B4GALT2: variants seen among roughly 807,000 people sequenced by gnomAD.
B4GALT2 encodes beta-1,4-galactosyltransferase 2.
A neutral mutation model predicts 33.2 loss-of-function variants in B4GALT2; 18 were observed. The ratio of observed to expected loss-of-function variants is 0.54; its 90% CI spans 0.38 to 0.80. The LOEUF (loss-of-function observed/expected upper bound fraction) is 0.80. Among genes scored for constraint, B4GALT2 ranks in the 30% least tolerant of loss-of-function variants. The pLI is 0.00. For missense variants in B4GALT2, 404 were observed against 526.2 expected (o/e 0.77, Z 2.27); for synonymous variants, 214 against 217.6 (o/e 0.98, Z 0.15).
At position 43,990,693 on chromosome 1, in the gene B4GALT2, C is replaced by G. The variant is rs1354583956; in HGVS notation, c.*245C>G. ...AACCCTCCTTCCCGACCCCCTCCCC[C>G]TAGCCCAGCCCCAGTCACTGTCAGG... On this transcript the variant is annotated 3_prime_UTR_variant, in exon 7 of 7. Coordinates refer to ENST00000372324, the MANE Select transcript of B4GALT2 (RefSeq NM_003780.5). The G allele has an allele frequency of 1.8e-5, 10 of 546,584 alleles. No homozygotes were observed. Among genetic ancestry groups the G allele is most frequent in the Middle Eastern group, 5.0e-4 (1 of 1,982 alleles). 33.9% of individuals were successfully genotyped at this position (546,584 alleles called of 1,614,324 possible). A position where few individuals can be genotyped will look rare whatever the true frequency, so the allele number is the denominator to read the frequency against.
Position 43,990,548 on chromosome 1 carries a change from C to G in B4GALT2, c.*100C>G. ...CTGTGGAGGACCTCCAGGACTGAGA[C>G]TGGGCTCTGTTTTCCAAGGGTCTTC... On this transcript the variant is annotated 3_prime_UTR_variant, in exon 7 of 7. Coordinates refer to ENST00000372324, the MANE Select transcript of B4GALT2 (RefSeq NM_003780.5). 2.0e-6 allele frequency: 3 copies of G among 1,506,544 alleles called. No individual in the cohort carries two copies. The highest frequency in any genetic ancestry group is 2.7e-6 in the Non-Finnish European group (3 of 1,102,680). 93.3% of individuals were successfully genotyped at this position (1,506,544 alleles called of 1,614,324 possible). A position where few individuals can be genotyped will look rare whatever the true frequency, so the allele number is the denominator to read the frequency against.
chr1:43,982,214 G>T lies in B4GALT2; in HGVS notation c.549+290G>T, dbSNP rs61054913. Reference sequence around the variant, plus strand: ...TATGCTGTAGGAGGAGATGTTGAGGGCCCTGAGGAGAGGGAGTTAGACCCT... The same window carrying T: ...TATGCTGTAGGAGGAGATGTTGAGGTCCCTGAGGAGAGGGAGTTAGACCCT... On this transcript the variant is annotated intron_variant, in intron 3 of 6. Transcript: ENST00000372324. This position sits in a 1 kb window ranked among gnomAD's most constrained non-coding sequence, Gnocchi z 4.3. 3.3e-4 allele frequency among the ~76,000 whole-genome samples: 51 copies of T among 152,312 alleles called. No homozygotes were observed. The highest frequency in any genetic ancestry group is 5.9e-4 in the Non-Finnish European group (40 of 68,028).
chr1:43,983,050 G>A (rs2085617649), intron 3 of B4GALT2, among the ~76,000 whole-genome samples: 1 of 152,216 alleles, frequency 6.6e-6, no homozygotes, highest in African/African-American at 2.4e-5. Flanking sequence ...GGGGATGGCT[G>A]TGTCTGAGTG....
Position 43,982,064 on chromosome 1 carries a change from T to C in B4GALT2, c.549+140T>C. 2.5e-6 allele frequency: 2 copies of C among 809,918 alleles called. No individual in the cohort carries two copies. The highest frequency in any genetic ancestry group is 3.9e-6 in the Non-Finnish European group (2 of 510,556). 50.2% of individuals were successfully genotyped at this position (809,918 alleles called of 1,614,324 possible). Reference sequence around the variant, plus strand: ...GTTTGTCAGTGTGCACAGGAATGTGTACGCACAGTGTGTGCATGTGAATGT... The same window carrying C: ...GTTTGTCAGTGTGCACAGGAATGTGCACGCACAGTGTGTGCATGTGAATGT... On this transcript the variant is annotated intron_variant, in intron 3 of 6. Transcript: ENST00000372324. The surrounding 1 kb of genome is among the most constrained non-coding windows in gnomAD (Gnocchi z 4.3).
Position 43,982,791 on chromosome 1 carries a change from G to A in B4GALT2, c.549+867G>A, listed in dbSNP as rs1052108386. On this transcript the variant is annotated intron_variant, in intron 3 of 6. Coordinates refer to ENST00000372324, the MANE Select transcript of B4GALT2 (RefSeq NM_003780.5). This position sits in a 1 kb window ranked among gnomAD's most constrained non-coding sequence, Gnocchi z 4.3. Reference sequence around the variant, plus strand: ...GGCACCATGTAAGGTTGTAAGGAGAGAGTGACTTGCGTGTTTGCTTTGTAG... The same window carrying A: ...GGCACCATGTAAGGTTGTAAGGAGAAAGTGACTTGCGTGTTTGCTTTGTAG... Among the ~76,000 whole-genome samples the A allele has an allele frequency of 1.3e-5, 2 of 152,238 alleles. No individual in the cohort carries two copies. The highest frequency in any genetic ancestry group is 2.4e-5 in the African/African-American group (1 of 41,458).
At chr1:43,983,606 C>A (rs1286012050) in intron 3 of B4GALT2, among the ~76,000 whole-genome samples, 1 of 152,064 alleles carries the variant, frequency 6.6e-6, no homozygotes, top group Non-Finnish European at 1.5e-5. Flanking sequence ...TGGAAATAAC[C>A]AATTAGAGAC....
rs572991522 is a variant in B4GALT2, at chr1:43,985,041, C to T, written c.726C>T (p.Asp242=). 5 of 1,613,876 alleles carry T rather than the reference C, an allele frequency of 3.1e-6. No homozygotes were observed. Among genetic ancestry groups the T allele is most frequent in the Admixed American group, 1.7e-5 (1 of 60,022 alleles). The change falls in exon 4 of 7, where the codon GAC becomes GAT. Residue 242 remains aspartate (D), a synonymous_variant. Coordinates refer to ENST00000372324, the MANE Select transcript of B4GALT2 (RefSeq NM_003780.5). ...DQPRHFAIAM[D]KFGFRLPYAG... ...CCCGCCACTTTGCCATTGCCATGGA[C>T]AAGTTTGGCTTCCGGTGAGGGCTCT...
chr1:43,983,217 G>A (rs190215613), intron 3 of B4GALT2, among the ~76,000 whole-genome samples: 96 of 152,286 alleles, frequency 6.3e-4, no homozygotes, highest in Admixed American at 1.3e-3. Context: ...TGGAGAGAGG[G>A]ATCTGGGAGC....
intron 1 of B4GALT2, chr1:43,980,729 A>G: frequency 2.4e-6 from 1 of 408,814 alleles, no homozygotes; most frequent in Non-Finnish European, 3.7e-6. Context: ...GGGGGTCTAT[A>G]GGTAAACATG....
intron 6 of B4GALT2, chr1:43,985,995 A>T (rs759637925): frequency 7.0e-5 from 21 of 300,604 alleles, no homozygotes; most frequent in Non-Finnish European, 1.2e-4. Context: ...GGCAGATAGG[A>T]CACGAGCTAA....
chr1:43,988,627 A>G (rs958013107), intron 6 of B4GALT2, among the ~76,000 whole-genome samples: 1 of 151,676 alleles, frequency 6.6e-6, no homozygotes, highest in African/African-American at 2.4e-5. Flanking sequence ...CTGAGACTGC[A>G]CTACTGTACT....
Position 43,984,975 on chromosome 1 carries a change from C to A in B4GALT2, c.660C>A (p.Val220=). 1.2e-6 allele frequency: 2 copies of A among 1,614,006 alleles called. No individual in the cohort carries two copies. The highest frequency in any genetic ancestry group is 8.5e-7 in the Non-Finnish European group (1 of 1,180,012). ...DCFIFSDVDL[V]PMDDRNLYRC... Reference sequence around the variant, plus strand: ...TCATCTTCAGCGATGTGGACCTGGTCCCCATGGATGACCGCAACCTATACC... The same window carrying A: ...TCATCTTCAGCGATGTGGACCTGGTACCCATGGATGACCGCAACCTATACC... The change falls in exon 4 of 7, where the codon GTC becomes GTA. Residue 220 remains valine, a synonymous_variant. Coordinates refer to ENST00000372324, the MANE Select transcript of B4GALT2 (RefSeq NM_003780.5). This position sits in a 1 kb window ranked among gnomAD's most constrained non-coding sequence, Gnocchi z 5.6.
chr1:43,980,700 C>T (rs2085584269), intron 1 of B4GALT2: 2 of 518,760 alleles, frequency 3.9e-6, no homozygotes, highest in South Asian at 6.1e-5. Flanking sequence ...TGTCTGTTCT[C>T]AGGGGCACAG....
At position 43,981,843 on chromosome 1, in the gene B4GALT2, C is replaced by G. The variant is rs780832927; in HGVS notation, c.468C>G (p.His156Gln). The G allele has an allele frequency of 1.9e-6, 3 of 1,612,520 alleles. No individual in the cohort carries two copies. Among genetic ancestry groups the G allele is most frequent in the South Asian group, 2.2e-5 (2 of 90,866 alleles). The change falls in exon 3 of 7, where the codon CAC (histidine) becomes CAG (glutamine). Residue 156 changes from histidine (H) to glutamine (Q), a missense_variant. By Grantham distance (24) the His-to-Gln change is conservative. Transcript: ENST00000372324. The surrounding 1 kb of genome is among the most constrained non-coding windows in gnomAD (Gnocchi z 8.1). Reference sequence around the variant, plus strand: ...TCATCCCCTTTAGACACCGGGAACACCACCTGCGCTACTGGCTCCACTATC... The same window carrying G: ...TCATCCCCTTTAGACACCGGGAACAGCACCTGCGCTACTGGCTCCACTATC... ...AVIIPFRHRE[H>Q]HLRYWLHYLH...
At chr1:43,985,816 C>T (rs1469341390) in intron 6 of B4GALT2, 195 bp downstream of exon 6, 15 of 611,046 alleles carry the variant, frequency 2.5e-5, no homozygotes, top group South Asian at 3.9e-5. Context: ...CACCCCTGAT[C>T]GTTGTCCCCC....
chr1:43,982,074 G>A lies in B4GALT2; in HGVS notation c.549+150G>A, dbSNP rs1571802935. ...GTGCACAGGAATGTGTACGCACAGT[G>A]TGTGCATGTGAATGTTGGCATGCAC... On this transcript the variant is annotated intron_variant, in intron 3 of 6. Coordinates refer to ENST00000372324, the MANE Select transcript of B4GALT2 (RefSeq NM_003780.5). The surrounding 1 kb of genome is among the most constrained non-coding windows in gnomAD (Gnocchi z 4.3). 2.6e-6 allele frequency: 2 copies of A among 771,672 alleles called. No individual in the cohort carries two copies. The highest frequency in any genetic ancestry group is 4.1e-6 in the Non-Finnish European group (2 of 482,450). 47.8% of individuals were successfully genotyped at this position (771,672 alleles called of 1,614,324 possible). A position where few individuals can be genotyped will look rare whatever the true frequency, so the allele number is the denominator to read the frequency against.
Position 43,981,832 on chromosome 1 carries a change from C to T in B4GALT2, c.457C>T (p.His153Tyr). 6.2e-7 allele frequency: 1 copy of T among 1,613,960 alleles called. No individual in the cohort carries two copies. The highest frequency in any genetic ancestry group is 8.5e-7 in the Non-Finnish European group (1 of 1,180,030). Reference sequence around the variant, plus strand: ...GGTGGCGGTCATCATCCCCTTTAGACACCGGGAACACCACCTGCGCTACTG... The same window carrying T: ...GGTGGCGGTCATCATCCCCTTTAGATACCGGGAACACCACCTGCGCTACTG... ...QTVAVIIPFR[H>Y]REHHLRYWLH... The change falls in exon 3 of 7, where the codon CAC becomes TAC. Residue 153 changes from histidine (H) to tyrosine (Y), a missense_variant. Transcript: ENST00000372324. This position sits in a 1 kb window ranked among gnomAD's most constrained non-coding sequence, Gnocchi z 8.1.
At chr1:43,987,572 G>C (rs2085672729) in intron 6 of B4GALT2, among the ~76,000 whole-genome samples, 1 of 152,110 alleles carries the variant, frequency 6.6e-6, no homozygotes, top group African/African-American at 2.4e-5. Context: ...AAACATATTT[G>C]AGTCCATTTG....
In B4GALT2 at chr1:43,982,599, G is replaced by C. The variant is rs1174957763; in HGVS notation, c.549+675G>C. Among the ~76,000 whole-genome samples, 1 of 152,230 alleles carries C rather than the reference G, an allele frequency of 6.6e-6. No homozygotes were observed. Among genetic ancestry groups the C allele is most frequent in the African/African-American group, 2.4e-5 (1 of 41,466 alleles). ...GCATTCTAGGCAGAGGGACCTGGAGGATGCAGGGCCAGCAAGATAACTGGC... is the reference window on the plus strand; with the variant it reads ...GCATTCTAGGCAGAGGGACCTGGAGCATGCAGGGCCAGCAAGATAACTGGC... On this transcript the variant is annotated intron_variant, in intron 3 of 6. Coordinates refer to ENST00000372324, the MANE Select transcript of B4GALT2 (RefSeq NM_003780.5). This position sits in a 1 kb window ranked among gnomAD's most constrained non-coding sequence, Gnocchi z 4.3.
Sources: gnomAD v4.1 joint callset for allele counts (sites outside exome capture counted in the v4.1 genomes callset) on GRCh38, gnomAD v4.1.1 for gene constraint, Gnocchi (gnomAD v3.1) non-coding constraint, MANE v1.5 for transcripts, NCBI Gene and HGNC (gene_info 2026-07-23, HGNC 2026-07-21) for gene names.